TPRG1: variants seen among roughly 807,000 people sequenced by gnomAD.
TPRG1 encodes tumor protein p63-regulated gene 1 protein.
Under a neutral mutation model 29.3 loss-of-function variants are expected in TPRG1, and 29 were observed. That is an observed-to-expected ratio of 0.99 (90% CI 0.74 to 1.35). The LOEUF (loss-of-function observed/expected upper bound fraction) is 1.35. Among genes scored for constraint, TPRG1 ranks in the 40% most tolerant of loss-of-function variants. The pLI, the probability that TPRG1 is intolerant of heterozygous loss-of-function variation, is 0.00. For missense variants in TPRG1, 327 were observed against 335.0 expected (o/e 0.98, Z 0.19); for synonymous variants, 130 against 116.8 (o/e 1.11, Z -0.73).
intron 1 of TPRG1, chr3:189,121,966 A>T (rs186159099): frequency 6.6e-6 from 1 of 151,426 alleles, no homozygotes; most frequent in Admixed American, 6.6e-5. Context: ...TATATGTCTA[A>T]TTTTCTTTAG....
intron 4 of TPRG1, among the ~76,000 whole-genome samples, chr3:189,048,099 A>G (rs969720252): frequency 6.6e-6 from 1 of 152,218 alleles, no homozygotes; most frequent in Non-Finnish European, 1.5e-5. Flanking sequence ...ACCACTGTTT[A>G]TGGCATCTAT....
intron 1 of TPRG1, among the ~76,000 whole-genome samples, chr3:189,126,507 G>A (rs1385033410): frequency 1.3e-5 from 2 of 152,226 alleles, no homozygotes; most frequent in Non-Finnish European, 2.9e-5. Context: ...TGAGGGTTAA[G>A]TGAGAATTCC....
At chr3:189,300,091 T>C (rs1043307006) in intron 4 of TPRG1, among the ~76,000 whole-genome samples, 1 of 152,238 alleles carries the variant, frequency 6.6e-6, no homozygotes, top group African/African-American at 2.4e-5. Flanking sequence ...TATCTTCGTG[T>C]ATGCTTACTG....
At chr3:189,083,026 C>T (rs1398999827) in intron 4 of TPRG1, among the ~76,000 whole-genome samples, 1 of 152,092 alleles carries the variant, frequency 6.6e-6, no homozygotes, top group Non-Finnish European at 1.5e-5. Context: ...GATGGCACGG[C>T]TCATTTCTCA....
chr3:189,168,364 C>T (rs924567610), upstream of TPRG1, among the ~76,000 whole-genome samples: 7 of 152,142 alleles, frequency 4.6e-5, no homozygotes, highest in Admixed American at 6.5e-5. Context: ...GCAGAAGGGG[C>T]TTTTTGTTTC....
At chr3:189,135,750 G>T (rs981381278) in intron 3 of TPRG1, among the ~76,000 whole-genome samples, 6 of 152,154 alleles carry the variant, frequency 3.9e-5, no homozygotes, top group Non-Finnish European at 8.8e-5. Flanking sequence ...TCTGGAAAAT[G>T]CTAGTCTAGC....
chr3:189,074,789 C>A (rs1247151182), intron 4 of TPRG1, among the ~76,000 whole-genome samples: 1 of 151,472 alleles, frequency 6.6e-6, no homozygotes, highest in Admixed American at 6.6e-5. Context: ...ACACTAATAT[C>A]CTTATTTTAA....
chr3:189,294,701 A>G (rs998386042), intron 4 of TPRG1, among the ~76,000 whole-genome samples: 3 of 152,184 alleles, frequency 2.0e-5, no homozygotes, highest in South Asian at 4.1e-4. Flanking sequence ...TATAGCAAAT[A>G]TTATCTATAA....
chr3:189,109,310 GGTGTTAATTGACACACAGTAGCCTT>G (rs1720210829), intron 1 of TPRG1, among the ~76,000 whole-genome samples: 1 of 152,176 alleles, frequency 6.6e-6, no homozygotes, highest in Admixed American at 6.5e-5. Context: ...CGTGTGGTGC[GGTGTTAATTGACACACAGTAGCCTT>G]GTAAGAGTGA....
At chr3:189,314,562 C>CT (rs1723186514) in intron 5 of TPRG1, among the ~76,000 whole-genome samples, 1 of 152,176 alleles carries the variant, frequency 6.6e-6, no homozygotes, top group African/African-American at 2.4e-5. Context: ...CCCAGACAGT[C>CT]TTGCTTATCT....
At chr3:189,129,200 T>C (rs551247525) in intron 2 of TPRG1, among the ~76,000 whole-genome samples, 2 of 152,352 alleles carry the variant, frequency 1.3e-5, no homozygotes, top group East Asian at 3.9e-4. Context: ...TCAGGTCTCC[T>C]GCCATCTGTG....
chr3:189,216,125 A>ATTTT (rs746182898), intron 3 of TPRG1, among the ~76,000 whole-genome samples: 2 of 151,616 alleles, frequency 1.3e-5, no homozygotes, highest in South Asian at 4.2e-4. Flanking sequence ...AGAAAAGGCA[A>ATTTT]TTTTTTTTTA....
intron 1 of TPRG1, among the ~76,000 whole-genome samples, chr3:189,106,004 C>A (rs1361628962): frequency 6.6e-6 from 1 of 151,914 alleles, no homozygotes; most frequent in Non-Finnish European, 1.5e-5. Context: ...ACATGTTTAC[C>A]TATGTAACAA....
intron 5 of TPRG1, among the ~76,000 whole-genome samples, chr3:189,314,557 A>G (rs1723185445): frequency 6.6e-6 from 1 of 152,150 alleles, no homozygotes; most frequent in East Asian, 1.9e-4. Flanking sequence ...CTTTTCCCAG[A>G]CAGTCTTGCT....
intron 4 of TPRG1, among the ~76,000 whole-genome samples, chr3:189,034,040 C>A (rs903875542): frequency 6.6e-6 from 1 of 152,074 alleles, no homozygotes; most frequent in Non-Finnish European, 1.5e-5. Flanking sequence ...TGATGGTTTA[C>A]GTGTAGCTAT....
chr3:189,028,677 T>C (rs181676179), intron 4 of TPRG1, among the ~76,000 whole-genome samples: 3 of 152,324 alleles, frequency 2.0e-5, no homozygotes, highest in East Asian at 1.9e-4. Context: ...TATTTATTAG[T>C]GCAGTATCAT....
chr3:189,212,405 T>A (rs1383921432), intron 2 of TPRG1, among the ~76,000 whole-genome samples: 3 of 152,154 alleles, frequency 2.0e-5, no homozygotes, highest in Non-Finnish European at 4.4e-5. Flanking sequence ...GCTATAGGGT[T>A]CCCTGTGTCT....
intron 4 of TPRG1, among the ~76,000 whole-genome samples, chr3:189,086,028 C>T (rs1354119665): frequency 6.6e-6 from 1 of 152,190 alleles, no homozygotes; most frequent in Admixed American, 6.5e-5. Flanking sequence ...CATCTGCAAG[C>T]TGAGGAGCAA....
chr3:189,032,524 C>T (rs374487557), intron 4 of TPRG1, among the ~76,000 whole-genome samples: 1 of 151,880 alleles, frequency 6.6e-6, no homozygotes, highest in East Asian at 1.9e-4. Context: ...GGCAGGTGGT[C>T]CTGGGCTGGT....
Sources: gnomAD v4.1 joint callset for allele counts (sites outside exome capture counted in the v4.1 genomes callset) on GRCh38, gnomAD v4.1.1 for gene constraint, MANE v1.5 for transcripts, NCBI Gene and HGNC (gene_info 2026-07-23, HGNC 2026-07-21) for gene names.